The following PPFIA2 variants were observed in gnomAD, a reference collection of about 807,000 sequenced individuals.
The protein encoded by PPFIA2 is liprin-alpha-2.
In PPFIA2, 46 loss-of-function variants were observed where a neutral mutation model predicts 175.5. That is an observed-to-expected ratio of 0.26 (90% CI 0.21 to 0.34). PPFIA2 has a LOEUF of 0.34. Ranked by LOEUF, PPFIA2 falls within the 10% of genes least tolerant of loss-of-function variation. The probability of loss-of-function intolerance (pLI) is 1.00; values close to 1 mark genes in which losing one functional copy is unlikely to be tolerated. For missense variants in PPFIA2, 1,179 were observed against 1,506.1 expected (o/e 0.78, Z 3.60); for synonymous variants, 568 against 511.4 (o/e 1.11, Z -1.49).
chr12:81,582,782 A>G (rs1595243974), intron 4 of PPFIA2, among the ~76,000 whole-genome samples: 1 of 151,962 alleles, frequency 6.6e-6, no homozygotes, highest in East Asian at 1.9e-4. Flanking sequence ...TTCACTTCAC[A>G]TATATTTTTG....
At chr12:81,415,515 A>G (rs567230245) in intron 7 of PPFIA2, among the ~76,000 whole-genome samples, 2 of 150,120 alleles carry the variant, frequency 1.3e-5, no homozygotes, top group African/African-American at 4.8e-5. Flanking sequence ...CAAATTTTAC[A>G]TCTAAACTAG....
At chr12:81,694,134 G>A (rs2075609508) in intron 3 of PPFIA2, among the ~76,000 whole-genome samples, 1 of 152,068 alleles carries the variant, frequency 6.6e-6, no homozygotes, top group Non-Finnish European at 1.5e-5. Context: ...AAAGAAAAGA[G>A]TTTTTATTTT....
intron 7 of PPFIA2, among the ~76,000 whole-genome samples, chr12:81,432,196 C>A (rs1184915547): frequency 6.6e-6 from 1 of 152,124 alleles, no homozygotes; most frequent in Non-Finnish European, 1.5e-5. Context: ...CCATTACCAT[C>A]ATCTGTCTTC....
intron 3 of PPFIA2, among the ~76,000 whole-genome samples, chr12:81,733,261 C>A (rs1020674286): frequency 1.1e-4 from 17 of 151,634 alleles, no homozygotes; most frequent in Admixed American, 2.0e-4. Context: ...TAGTACGCAT[C>A]AAGTGTTTAA....
At chr12:81,298,752 A>T (rs1158292562) in intron 23 of PPFIA2, among the ~76,000 whole-genome samples, 1 of 152,212 alleles carries the variant, frequency 6.6e-6, no homozygotes, top group African/African-American at 2.4e-5. Flanking sequence ...TGCTGAAAAT[A>T]GTTCTTCTTT....
chr12:81,329,773 C>T (rs758295479), intron 21 of PPFIA2, among the ~76,000 whole-genome samples: 112 of 152,256 alleles, frequency 7.4e-4, no homozygotes, highest in Middle Eastern at 3.4e-3. Context: ...TTGGCTGGAT[C>T]GGGCAACATG....
intron 4 of PPFIA2, among the ~76,000 whole-genome samples, chr12:81,469,399 T>C (rs1016318084): frequency 5.9e-5 from 9 of 152,166 alleles, no homozygotes; most frequent in Admixed American, 5.2e-4. Flanking sequence ...ATAATTACAA[T>C]GAAATGTGAT....
At chr12:81,562,802 C>G (rs1455222633) in intron 4 of PPFIA2, among the ~76,000 whole-genome samples, 4 of 136,336 alleles carry the variant, frequency 2.9e-5, no homozygotes, top group African/African-American at 1.1e-4. Flanking sequence ...AGCCGAGATC[C>G]CGCCACTGCA....
chr12:81,351,553 C>T lies in PPFIA2; in HGVS notation c.1994+1566G>A, dbSNP rs114980984. On this transcript the variant is annotated intron_variant, in intron 17 of 32. Coordinates refer to ENST00000549396, the MANE Select transcript of PPFIA2 (RefSeq NM_003625.5). The stretch of plus-strand genomic sequence containing the variant: ...GATATGGTAGCAGCCCAACTTCAAA[C>T]GCAAGTTTTAGGCACCAGTGAACAC... Among the ~76,000 whole-genome samples, 1,385 of 151,806 alleles carry T rather than the reference C, an allele frequency of 9.1e-3. 27 individuals carry two copies. The highest frequency in any genetic ancestry group is 0.031 in the African/African-American group (1,289 of 41,404).
intron 4 of PPFIA2, among the ~76,000 whole-genome samples, chr12:81,496,810 C>T (rs577599941): frequency 6.6e-6 from 1 of 151,968 alleles, no homozygotes; most frequent in African/African-American, 2.4e-5. Flanking sequence ...TGAGTAAAAC[C>T]AGAAGAATGG....
intron 4 of PPFIA2, among the ~76,000 whole-genome samples, chr12:81,486,182 A>T (rs942516950): frequency 1.1e-4 from 17 of 152,006 alleles, no homozygotes; most frequent in African/African-American, 3.9e-4. Context: ...AACAATAACC[A>T]TATGGTGTTG....
chr12:81,267,185 A>AT (rs1416513024), intron 29 of PPFIA2, 165 bp from the exon 30 acceptor site: 47 of 466,072 alleles, frequency 1.0e-4, no homozygotes, highest in Non-Finnish European at 1.1e-5. Flanking sequence ...TTTTAACTAC[A>AT]AAAAAAACAG....
chr12:81,288,087 A>T (rs1235672054), intron 24 of PPFIA2, among the ~76,000 whole-genome samples: 1 of 151,886 alleles, frequency 6.6e-6, no homozygotes, highest in Non-Finnish European at 1.5e-5. Context: ...ATTAGAATCA[A>T]GGGGCTTGAG....
chr12:81,426,206 G>T (rs925964344), intron 7 of PPFIA2, among the ~76,000 whole-genome samples: 1 of 152,036 alleles, frequency 6.6e-6, no homozygotes, highest in Non-Finnish European at 1.5e-5. Context: ...ATTGATTGAC[G>T]TTCCTTGGTT....
At chr12:81,740,334 G>A (rs1470936079) in intron 3 of PPFIA2, among the ~76,000 whole-genome samples, 1 of 152,114 alleles carries the variant, frequency 6.6e-6, no homozygotes, top group Non-Finnish European at 1.5e-5. Flanking sequence ...TAACTTAATT[G>A]TTATGACTCT....
chr12:81,372,475 G>A (rs2035367964), intron 11 of PPFIA2, among the ~76,000 whole-genome samples: 1 of 136,042 alleles, frequency 7.4e-6, no homozygotes, highest in Non-Finnish European at 1.6e-5. Context: ...AGACTATGAT[G>A]ATCCATAATA....
chr12:81,756,726 A>T (rs775757233), intron 2 of PPFIA2, among the ~76,000 whole-genome samples: 3 of 152,144 alleles, frequency 2.0e-5, no homozygotes, highest in Non-Finnish European at 2.9e-5. Flanking sequence ...ACACAGCAAA[A>T]CATATAAAGG....
intron 8 of PPFIA2, among the ~76,000 whole-genome samples, chr12:81,389,435 A>T (rs977601918): frequency 6.6e-6 from 1 of 151,988 alleles, no homozygotes; most frequent in Admixed American, 6.6e-5. Flanking sequence ...TTTAAATTCC[A>T]TTAAGCAGTA....
intron 3 of PPFIA2, among the ~76,000 whole-genome samples, chr12:81,697,616 C>T (rs1458251180): frequency 2.0e-5 from 3 of 152,108 alleles, no homozygotes; most frequent in Non-Finnish European, 2.9e-5. Flanking sequence ...CCAGAAACTA[C>T]AAGATAGCAT....
Sources: allele counts gnomAD v4.1 joint callset (sites outside exome capture counted in the v4.1 genomes callset), GRCh38; gene constraint gnomAD v4.1.1; transcripts MANE v1.5; gene names NCBI Gene and HGNC (gene_info 2026-07-23, HGNC 2026-07-21).